The following CFAP221 variants were observed in gnomAD, a reference collection of about 807,000 sequenced individuals.
CFAP221 encodes the protein cilia and flagella associated protein 221.
In CFAP221, 97 loss-of-function variants were observed where a neutral mutation model predicts 113.1. The ratio of observed to expected loss-of-function variants is 0.86; its 90% confidence interval spans 0.73 to 1.02. The LOEUF (loss-of-function observed/expected upper bound fraction) is 1.02, where lower values mean the gene tolerates loss of function less well. CFAP221 is among the 50% of genes least tolerant of loss of function. The pLI is 0.00. For synonymous variants in CFAP221, 331 were observed against 354.4 expected (o/e 0.93, Z 0.74); for missense variants, 1,025 against 1,013.4 (o/e 1.01, Z -0.16).
intron 11 of CFAP221, among the ~76,000 whole-genome samples, chr2:119,606,599 G>T (rs1684783402): frequency 6.6e-6 from 1 of 152,080 alleles, no homozygotes; most frequent in Non-Finnish European, 1.5e-5. Flanking sequence ...AAACAGGTAG[G>T]TCATCATTGT....
At chr2:119,611,608 C>T (rs558029199) in intron 12 of CFAP221, 45 bp from the exon 13 acceptor site, 53 of 1,508,922 alleles carry the variant, frequency 3.5e-5, no homozygotes, top group African/African-American at 1.4e-4. Context: ...AATTGTTTTA[C>T]GCATTTATAT....
Position 119,647,018 on chromosome 2 carries a change from A to G in CFAP221, c.2286A>G (p.Leu762=), listed in dbSNP as rs1233043141. ...ACGTCCCTGCCATCCTTGATGCCTT[A>G]CCAGAAGAGGACAGACTAGAAACAG... is the stretch of plus-strand genomic sequence containing the variant. ...PIDVPAILDA[L]PEEDRLETVE... The change falls in exon 22 of 24, where the codon TTA becomes TTG. Residue 762 remains leucine, a synonymous_variant. Transcript: ENST00000413369. The G allele has an allele frequency of 1.9e-6, 3 of 1,612,438 alleles. No individual in the cohort carries two copies. The Admixed American group carries it at 5.0e-5, about 27-fold the overall frequency.
chr2:119,593,957 C>T (rs1391169638), intron 7 of CFAP221, among the ~76,000 whole-genome samples: 1 of 152,184 alleles, frequency 6.6e-6, no homozygotes, highest in Non-Finnish European at 1.5e-5. Flanking sequence ...AAGGCATCCA[C>T]CCACATGACC....
chr2:119,629,738 G>A (rs1011070707), intron 16 of CFAP221, 137 bp from the exon 17 acceptor site: 1 of 624,452 alleles, frequency 1.6e-6, no homozygotes, highest in Non-Finnish European at 2.8e-6. Context: ...TACAGATCAA[G>A]TGGCAACTGT....
intron 7 of CFAP221, among the ~76,000 whole-genome samples, chr2:119,592,387 CACCTT>C (rs985500675): frequency 1.3e-5 from 2 of 152,224 alleles, no homozygotes; most frequent in Admixed American, 1.3e-4. Context: ...CTGTGTGCCT[CACCTT>C]CAGCTGGAAT....
chr2:119,614,282 A>G (rs1472368573), intron 13 of CFAP221, among the ~76,000 whole-genome samples: 2 of 152,100 alleles, frequency 1.3e-5, no homozygotes, highest in East Asian at 3.9e-4. Context: ...AACTGTTCCA[A>G]TCTCTGCTTG....
intron 6 of CFAP221, 114 bp from the exon 7 acceptor site, chr2:119,587,005 G>A: frequency 1.4e-6 from 1 of 698,274 alleles, no homozygotes; most frequent in Non-Finnish European, 2.3e-6. Context: ...TGCCAGATCA[G>A]CATTGGCAGT....
At chr2:119,566,122 G>T (rs1681606263) in intron 6 of CFAP221, among the ~76,000 whole-genome samples, 1 of 152,134 alleles carries the variant, frequency 6.6e-6, no homozygotes. Flanking sequence ...AGGATGAGGA[G>T]CTCAGGCACC....
intron 8 of CFAP221, chr2:119,601,652 AT>A (rs570711082): frequency 6.7e-6 from 2 of 300,258 alleles, no homozygotes; most frequent in African/African-American, 2.2e-5. Context: ...CACTGTTGGA[AT>A]TTTTTTACCA....
intron 7 of CFAP221, among the ~76,000 whole-genome samples, chr2:119,593,599 G>A (rs1212393626): frequency 6.6e-6 from 1 of 152,140 alleles, no homozygotes; most frequent in Admixed American, 6.5e-5. Context: ...CAGCACTTTG[G>A]GAGGCCGAGG....
At chr2:119,649,593 G>T (rs1171934686) in intron 22 of CFAP221, among the ~76,000 whole-genome samples, 3 of 152,170 alleles carry the variant, frequency 2.0e-5, no homozygotes, top group Non-Finnish European at 4.4e-5. Context: ...GTCCACCAAG[G>T]CTTAGTGAAG....
At chr2:119,586,472 G>A (rs1202652949) in intron 6 of CFAP221, among the ~76,000 whole-genome samples, 5 of 152,184 alleles carry the variant, frequency 3.3e-5, no homozygotes, top group Admixed American at 3.3e-4. Context: ...TAGCTTAGAG[G>A]TCCGCCTTGT....
At chr2:119,618,591 G>A (rs755283997) in intron 14 of CFAP221, among the ~76,000 whole-genome samples, 12 of 152,160 alleles carry the variant, frequency 7.9e-5, no homozygotes, top group Non-Finnish European at 7.3e-5. Context: ...TTCACAACCC[G>A]CAGACCAGGA....
At chr2:119,634,563 C>A (rs558905299) in intron 19 of CFAP221, among the ~76,000 whole-genome samples, 2 of 152,140 alleles carry the variant, frequency 1.3e-5, no homozygotes, top group South Asian at 4.2e-4. Context: ...GATGTGGAAA[C>A]AATCTAAAAA....
At chr2:119,601,659 TA>T in intron 8 of CFAP221, 1 of 284,630 alleles carries the variant, frequency 3.5e-6, no homozygotes, top group Non-Finnish European at 6.5e-6. Context: ...GGAATTTTTT[TA>T]CCATATGCAT....
rs1156369399 is a variant in CFAP221 at position 119,564,677 on chromosome 2, TG to T, written c.527+2564del. On this transcript the variant is annotated intron_variant, in intron 6 of 23. Coordinates refer to ENST00000413369, the MANE Select transcript of CFAP221 (RefSeq NM_001271049.2). ...CGTTTTTCATTCAACATTATGTTTT[TG>T]CGGTTCAGCCACATTATTATACACA... Among the ~76,000 whole-genome samples the T allele has an allele frequency of 1.3e-5, 2 of 152,252 alleles. 1 individual carries two copies. Among genetic ancestry groups the T allele is most frequent in the Non-Finnish European group, 2.9e-5 (2 of 68,048 alleles).
intron 14 of CFAP221, among the ~76,000 whole-genome samples, chr2:119,623,323 C>A (rs998074238): frequency 1.1e-4 from 17 of 152,108 alleles, no homozygotes; most frequent in African/African-American, 4.1e-4. Flanking sequence ...TATGAAGGAC[C>A]TCTTCAAGGA....
chr2:119,579,485 T>C (rs1203663891), intron 6 of CFAP221, among the ~76,000 whole-genome samples: 1 of 152,232 alleles, frequency 6.6e-6, no homozygotes, highest in African/African-American at 2.4e-5. Flanking sequence ...TCATCTGGAC[T>C]GTCTTTGATT....
chr2:119,627,528 T>G lies in CFAP221; in HGVS notation c.1517-125T>G, dbSNP rs1026464049. The G allele has an allele frequency of 8.3e-4, 338 of 406,644 alleles. 5 individuals are homozygous for G. Among genetic ancestry groups the G allele is most frequent in the African/African-American group, 6.2e-3 (293 of 46,902 alleles). 25.2% of individuals were successfully genotyped at this position (406,644 alleles called of 1,614,324 possible). On this transcript the variant is annotated intron_variant, in intron 15 of 23. Coordinates refer to ENST00000413369, the MANE Select transcript of CFAP221 (RefSeq NM_001271049.2). ...GGGACAGTAAAAGTGGATATATATA[T>G]ATATATATATATATATACACACCCA...
Sources: gnomAD v4.1 joint callset for allele counts (sites outside exome capture counted in the v4.1 genomes callset) on GRCh38, gnomAD v4.1.1 for gene constraint, MANE v1.5 for transcripts, NCBI Gene and HGNC (gene_info 2026-07-23, HGNC 2026-07-21) for gene names.